The following SHOC2 variants were observed in gnomAD, a reference collection of about 807,000 sequenced individuals.
The protein encoded by SHOC2 is leucine-rich repeat protein SHOC-2.
A neutral mutation model predicts 50.2 loss-of-function variants in SHOC2; 4 were observed. That is an observed-to-expected ratio of 0.08 (90% CI 0.04 to 0.18). The LOEUF is 0.18. Ranked by LOEUF, SHOC2 falls within the 10% of genes least tolerant of loss-of-function variation. SHOC2 has a pLI of 1.00. For missense variants in SHOC2, 388 were observed against 669.6 expected, an observed-to-expected ratio of 0.58 and a Z score of 4.64; for synonymous variants, 218 against 244.5, an observed-to-expected ratio of 0.89 and a Z score of 1.01.
intron 3 of SHOC2, among the ~76,000 whole-genome samples, chr10:110,994,366 A>G (rs1848232979): frequency 6.6e-6 from 1 of 152,238 alleles, no homozygotes; most frequent in South Asian, 2.1e-4. Flanking sequence ...AGTGGAAATA[A>G]AAATGATATA....
intron 1 of SHOC2, chr10:110,937,074 A>G: frequency 6.8e-7 from 1 of 1,475,910 alleles, no homozygotes; most frequent in Non-Finnish European, 9.5e-7. Flanking sequence ...AAAGCCAAGT[A>G]CTTCAACTTG....
At chr10:110,977,673 T>TCA (rs1338845987) in intron 2 of SHOC2, among the ~76,000 whole-genome samples, 4 of 152,366 alleles carry the variant, frequency 2.6e-5, no homozygotes, top group South Asian at 2.1e-4. Flanking sequence ...TTTTCTGTAG[T>TCA]CAGTTTAATC....
At chr10:110,957,178 A>G (rs1049973696) in intron 1 of SHOC2, among the ~76,000 whole-genome samples, 1 of 152,144 alleles carries the variant, frequency 6.6e-6, no homozygotes, top group Non-Finnish European at 1.5e-5. Flanking sequence ...ATACCATTTA[A>G]ATGGTTCATC....
chr10:110,970,234 A>G (rs1451797886), intron 2 of SHOC2, among the ~76,000 whole-genome samples: 1 of 152,094 alleles, frequency 6.6e-6, no homozygotes, highest in Non-Finnish European at 1.5e-5. Flanking sequence ...GCCTCTAGTA[A>G]CCACTATTCT....
intron 4 of SHOC2, among the ~76,000 whole-genome samples, chr10:111,001,034 A>G (rs1330577333): frequency 1.3e-5 from 2 of 149,098 alleles, no homozygotes; most frequent in Non-Finnish European, 3.0e-5. Flanking sequence ...ATTAAGGCCT[A>G]TTTAGTATAG....
chr10:110,999,736 CAAAAAA>C (rs145780250), intron 3 of SHOC2, among the ~76,000 whole-genome samples: 2,297 of 81,674 alleles, frequency 0.028, 49 homozygotes, highest in East Asian at 0.15. Flanking sequence ...GACTCAGTCT[CAAAAAA>C]AAAAAAAAAA....
chr10:110,953,851 TCTGGTGATAC>T (rs1847405996), intron 1 of SHOC2, among the ~76,000 whole-genome samples: 1 of 151,566 alleles, frequency 6.6e-6, no homozygotes, highest in South Asian at 2.1e-4. Context: ...AAAATGGATA[TCTGGTGATAC>T]CTCTTCTATA....
Position 110,964,642 on chromosome 10 carries a change from A to G in SHOC2, c.284A>G (p.Asn95Ser), listed in dbSNP as rs2134121356. Residue 95 changes from asparagine to serine, a missense_variant, in exon 2 of 9, where the codon AAC (asparagine) becomes AGC (serine). Around this residue, in one of 5 missense-constraint regions of SHOC2, gnomAD observed 121 missense variants for 145.5 expected, o/e 0.83. Transcript: ENST00000369452. This position sits in a 1 kb window ranked among gnomAD's most constrained non-coding sequence, Gnocchi z 4.9. ...AATGCAGAGGTGATTAAAGAGCTCAACAAATGCCGGGAAGAGAATTCAATG... is the reference window on the plus strand; with the variant it reads ...AATGCAGAGGTGATTAAAGAGCTCAGCAAATGCCGGGAAGAGAATTCAATG... ...SSNAEVIKELNKCREENSMRL... is the reference protein window; with the variant it reads ...SSNAEVIKELSKCREENSMRL... The G allele has an allele frequency of 6.2e-7, 1 of 1,614,158 alleles. No homozygotes were observed. The highest frequency in any genetic ancestry group is 1.3e-5 in the African/African-American group (1 of 75,030).
chr10:110,999,955 A>G (rs1436938074), intron 3 of SHOC2, among the ~76,000 whole-genome samples: 1 of 152,124 alleles, frequency 6.6e-6, no homozygotes, highest in East Asian at 1.9e-4. Context: ...AAAATAATTT[A>G]TATTTTAAAC....
intron 4 of SHOC2, among the ~76,000 whole-genome samples, chr10:111,002,989 G>A (rs779193504): frequency 4.6e-5 from 7 of 152,100 alleles, no homozygotes; most frequent in Non-Finnish European, 1.0e-4. Context: ...ATTTTCAATC[G>A]TGTAGCCTGT....
intron 1 of SHOC2, among the ~76,000 whole-genome samples, chr10:110,925,663 C>T (rs1004506070): frequency 3.9e-5 from 6 of 152,138 alleles, no homozygotes; most frequent in African/African-American, 1.4e-4. Flanking sequence ...TGCCGTGTTG[C>T]CCAGGCTGGT....
intron 1 of SHOC2, among the ~76,000 whole-genome samples, chr10:110,920,772 A>G (rs1248988730): frequency 6.6e-6 from 1 of 152,214 alleles, no homozygotes; most frequent in African/African-American, 2.4e-5. Flanking sequence ...AATATTTTCG[A>G]AGTCTCTGGG....
intron 1 of SHOC2, among the ~76,000 whole-genome samples, chr10:110,921,054 A>G (rs1048733370): frequency 6.6e-6 from 1 of 152,236 alleles, no homozygotes; most frequent in African/African-American, 2.4e-5. Flanking sequence ...AAAGACCTCA[A>G]TTTATTAGTG....
chr10:111,009,874 C>T (rs1175331832), intron 8 of SHOC2, 44 bp downstream of exon 8: 8 of 1,011,948 alleles, frequency 7.9e-6, no homozygotes, highest in Non-Finnish European at 1.3e-5. Context: ...ATAATTTGCT[C>T]TTGTGCATTC....
intron 2 of SHOC2, among the ~76,000 whole-genome samples, chr10:110,970,729 GTTT>G (rs56760151): frequency 0.043 from 5,799 of 136,296 alleles, 166 homozygotes; most frequent in East Asian, 0.11. Flanking sequence ...TTGTGATGAT[GTTT>G]TTTTTTTTTT....
chr10:111,008,694 C>T (rs980127804), intron 6 of SHOC2, among the ~76,000 whole-genome samples: 1 of 152,164 alleles, frequency 6.6e-6, no homozygotes, highest in African/African-American at 2.4e-5. Flanking sequence ...AAAACTTACC[C>T]AGAACCTTAC....
rs1216035568 is a variant in SHOC2, at chr10:110,927,662, A to AAT, written c.-235+8007_-235+8008dup. 2.0e-5 allele frequency among the ~76,000 whole-genome samples: 3 copies of AAT among 152,330 alleles called. No individual in the cohort carries two copies. In the East Asian group the frequency reaches 5.8e-4, roughly 29 times the overall value. ...AAATTTTCCCCACCTCCTGTTATATAATAGCTTATAGTAGTACAACAGAAT... is the reference window on the plus strand; with the variant it reads ...AAATTTTCCCCACCTCCTGTTATATAATATAGCTTATAGTAGTACAACAGAAT... On this transcript the variant is annotated intron_variant, in intron 1 of 8. Coordinates refer to ENST00000369452, the MANE Select transcript of SHOC2 (RefSeq NM_007373.4).
chr10:110,990,245 G>T (rs1355708519), intron 3 of SHOC2, among the ~76,000 whole-genome samples: 1 of 152,356 alleles, frequency 6.6e-6, no homozygotes, highest in East Asian at 1.9e-4. Context: ...TGGGGACGTG[G>T]AGAGTCTTTA....
chr10:111,011,452 A>G (rs902213762), intron 8 of SHOC2, among the ~76,000 whole-genome samples, 158 bp from the exon 9 acceptor site: 2 of 152,152 alleles, frequency 1.3e-5, no homozygotes, highest in African/African-American at 4.8e-5. Context: ...TATGCAGCAA[A>G]ATTTGAGATC....
Sources: allele counts gnomAD v4.1 joint callset (sites outside exome capture counted in the v4.1 genomes callset), GRCh38; gene constraint gnomAD v4.1.1; regional missense constraint gnomAD v4.1.1; non-coding constraint Gnocchi (gnomAD v3.1); transcripts MANE v1.5; gene names NCBI Gene and HGNC (gene_info 2026-07-23, HGNC 2026-07-21).